The following GIPC1 variants were observed in gnomAD, a reference collection of about 807,000 sequenced individuals.
The protein encoded by GIPC1 is PDZ domain-containing protein GIPC1.
A neutral mutation model predicts 28.5 loss-of-function variants in GIPC1; 15 were observed. The observed-to-expected ratio is 0.53, with a 90% CI of 0.35 to 0.81. The LOEUF is 0.81. Among genes scored for constraint, GIPC1 ranks in the 30% least tolerant of loss-of-function variants. The pLI is 0.01. For synonymous variants in GIPC1, 224 were observed against 206.1 expected (o/e 1.09, Z -0.74); for missense variants, 439 against 481.9 (o/e 0.91, Z 0.83).
At chr19:14,489,267 A>C in intron 3 of GIPC1, 2 of 668,908 alleles carry the variant, frequency 3.0e-6, no homozygotes, top group Non-Finnish European at 5.5e-6. Context: ...CTCATGCTCG[A>C]ACAATCGATT....
In GIPC1 at chr19:14,478,114, A is replaced by G; in HGVS notation, c.*302T>C. The stretch of plus-strand genomic sequence containing the variant: ...ACCAGTTTGGCAGCTGATGGTGGAA[A>G]GTGGTGGAGGCGGGGGTGGCCGCCC... On this transcript the variant is annotated 3_prime_UTR_variant, in exon 9 of 9. Coordinates refer to ENST00000393033, the MANE Select transcript of GIPC1 (RefSeq NM_005716.4). This position sits in a 1 kb window ranked among gnomAD's most constrained non-coding sequence, Gnocchi z 5.2. 3 of 353,512 alleles carry G rather than the reference A, an allele frequency of 8.5e-6. No homozygotes were observed. The highest frequency in any genetic ancestry group is 8.2e-4 in the Middle Eastern group (1 of 1,226). 21.9% of individuals were successfully genotyped at this position (353,512 alleles called of 1,614,324 possible).
chr19:14,492,450 G>A (rs2071993893), intron 2 of GIPC1, among the ~76,000 whole-genome samples: 1 of 152,050 alleles, frequency 6.6e-6, no homozygotes, highest in East Asian at 1.9e-4. Flanking sequence ...GGGACTACAG[G>A]TGCCCGCCAC....
chr19:14,481,324 G>T (rs1452100643), intron 4 of GIPC1, among the ~76,000 whole-genome samples: 1 of 152,050 alleles, frequency 6.6e-6, no homozygotes, highest in Non-Finnish European at 1.5e-5. Context: ...GCCCAGGCTG[G>T]CCTGGAACTC....
At chr19:14,490,986 A>AAG (rs1362218200) in intron 3 of GIPC1, among the ~76,000 whole-genome samples, 1 of 149,958 alleles carries the variant, frequency 6.7e-6, no homozygotes, top group African/African-American at 2.4e-5. Flanking sequence ...AAAAAAAAAA[A>AAG]AAAGAAAGAA....
chr19:14,489,549 GA>G, intron 3 of GIPC1: 2 of 966,158 alleles, frequency 2.1e-6, no homozygotes, highest in Non-Finnish European at 3.4e-6. Context: ...GTGGACAACA[GA>G]AAAATATTGG....
rs1258482749 is a variant in GIPC1, at chr19:14,478,400, G to A, written c.*16C>T. On this transcript the variant is annotated 3_prime_UTR_variant, in exon 9 of 9. Transcript: ENST00000393033. This position sits in a 1 kb window ranked among gnomAD's most constrained non-coding sequence, Gnocchi z 5.2. ...AGGTTGCGCCCGGGTCATCATCGCA[G>A]GGTCCGGGGGCAGTCCTAGTAGCGG... 5 of 1,592,520 alleles carry A rather than the reference G, an allele frequency of 3.1e-6. No individual in the cohort carries two copies. Among genetic ancestry groups the A allele is most frequent in the Non-Finnish European group, 4.3e-6 (5 of 1,168,528 alleles).
chr19:14,496,041 T>TCCGTCGCCGCCGCCG lies in GIPC1; in HGVS notation c.-180_-179insCGGCGGCGGCGACGG, dbSNP rs878926715. On this transcript the variant is annotated 5_prime_UTR_variant, in exon 1 of 9. Transcript: ENST00000393033. The stretch of plus-strand genomic sequence containing the variant: ...CTTCTCGCAGAGGCCACTCACCTGC[T>TCCGTCGCCGCCGCCG]CCGCCGCCGCCGCCGCCGCCGCCGC... The TCCGTCGCCGCCGCCG allele has an allele frequency of 4.5e-6, 1 of 221,694 alleles. No homozygotes were observed. The highest frequency in any genetic ancestry group is 2.5e-5 in the African/African-American group (1 of 40,090). The allele number at this position is 221,694 out of a possible 1,614,324, so 13.7% of individuals were successfully genotyped here. A position where few individuals can be genotyped will look rare whatever the true frequency, so the allele number is the denominator to read the frequency against.
intron 3 of GIPC1, among the ~76,000 whole-genome samples, chr19:14,490,986 A>AAAAAG (rs1555722741): frequency 2.0e-5 from 3 of 149,958 alleles, no homozygotes; most frequent in South Asian, 2.1e-4. Flanking sequence ...AAAAAAAAAA[A>AAAAAG]AAAGAAAGAA....
rs370703286 is a variant in GIPC1, at chr19:14,478,638, C to A, written c.850+46G>T. The A allele has an allele frequency of 6.9e-5, 111 of 1,611,404 alleles. No homozygotes were observed. In the African/African-American group the frequency reaches 1.3e-3, roughly 20 times the overall value. ...CCAAGGGGCTCAGGGTGGATTCGGC[C>A]CCCAGCAGACCTAGATGCCCCCTCC... On this transcript the variant is annotated intron_variant, in intron 8 of 8. Coordinates refer to ENST00000393033, the MANE Select transcript of GIPC1 (RefSeq NM_005716.4). This position sits in a 1 kb window ranked among gnomAD's most constrained non-coding sequence, Gnocchi z 5.2.
Position 14,482,870 on chromosome 19 carries a change from C to T in GIPC1, c.107G>A (p.Gly36Asp). The T allele has an allele frequency of 6.3e-7, 1 of 1,581,944 alleles. No individual in the cohort carries two copies. The highest frequency in any genetic ancestry group is 8.6e-7 in the Non-Finnish European group (1 of 1,164,538). ...GLGVGEPGPL[G>D]GGGSGGPQMG... ...TTGGGGGCCCCCCGACCCACCTCCG[C>T]CCAGAGGCCCTGGCTCCCCCACGCC... is the stretch of plus-strand genomic sequence containing the variant. Residue 36 changes from glycine (G) to aspartate (D), a missense_variant, in exon 4 of 9, where the codon GGC becomes GAC. By Grantham distance (94) the Gly-to-Asp change is moderately conservative (BLOSUM62 -1). Transcript: ENST00000393033.
rs1174503668 is a variant in GIPC1, at chr19:14,485,696, TATATATAGAGAGAGAG to T, written c.-30-2706_-30-2691del. ...AAATAAATAAACAAATATATATATA[TATATATAGAGAGAGAG>T]AGAGAGAGAGAGAGAGAGAGAGAGA... On this transcript the variant is annotated intron_variant, in intron 3 of 8. Coordinates refer to ENST00000393033, the MANE Select transcript of GIPC1 (RefSeq NM_005716.4). 1.2e-3 allele frequency among the ~76,000 whole-genome samples: 87 copies of T among 73,858 alleles called. 1 individual carries two copies. The highest frequency in any genetic ancestry group is 6.3e-3 in the Middle Eastern group (1 of 160). The allele number at this position is 73,858 out of a possible 152,430, so 48.5% of individuals were successfully genotyped here.
At chr19:14,488,933 A>T (rs951622411) in intron 3 of GIPC1, among the ~76,000 whole-genome samples, 3 of 145,538 alleles carry the variant, frequency 2.1e-5, no homozygotes, top group African/African-American at 7.6e-5. Context: ...TGTTTTCCTG[A>T]TTTTTTTTTT....
chr19:14,480,295 G>C lies in GIPC1; in HGVS notation c.655+10C>G, dbSNP rs761537589. ...GCGCCACTGGGGAGGTCCAGGGGGC[G>C]GCTCCTCACCGAAGGCCTTGCGAGG... On this transcript the variant is annotated intron_variant, in intron 6 of 8. Transcript: ENST00000393033. 6.2e-7 allele frequency: 1 copy of C among 1,607,206 alleles called. No individual in the cohort carries two copies. Among genetic ancestry groups the C allele is most frequent in the South Asian group, 1.1e-5 (1 of 90,950 alleles).
At chr19:14,482,654 T>A (rs1181454795) in intron 4 of GIPC1, 35 bp downstream of exon 4, 21 of 1,601,888 alleles carry the variant, frequency 1.3e-5, no homozygotes, top group Non-Finnish European at 1.8e-5. Context: ...TGGTCCACCA[T>A]CAGGGACCCT....
chr19:14,486,712 C>CTTTTTTTTTTTTT (rs35491814), intron 3 of GIPC1, among the ~76,000 whole-genome samples: 3 of 124,756 alleles, frequency 2.4e-5, no homozygotes, highest in Admixed American at 9.1e-5. Flanking sequence ...TTCTTTCTTT[C>CTTTTTTTTTTTTT]TTTTTTTTTT....
chr19:14,491,066 T>C (rs1187727478), intron 3 of GIPC1, among the ~76,000 whole-genome samples: 1 of 151,802 alleles, frequency 6.6e-6, no homozygotes, highest in East Asian at 1.9e-4. Flanking sequence ...TCCCAACACT[T>C]TGGGAGGCCG....
intron 3 of GIPC1, among the ~76,000 whole-genome samples, chr19:14,484,792 G>A (rs1230187667): frequency 6.6e-6 from 1 of 151,776 alleles, no homozygotes; most frequent in Non-Finnish European, 1.5e-5. Context: ...AGAGATGAGG[G>A]GTCTCAATAT....
intron 3 of GIPC1, among the ~76,000 whole-genome samples, chr19:14,486,464 AT>A (rs2071845853): frequency 6.6e-6 from 1 of 152,128 alleles, no homozygotes; most frequent in African/African-American, 2.4e-5. Context: ...GGGCTGAGGC[AT>A]TTAAGTGCTG....
At chr19:14,489,408 T>C (rs1473080424) in intron 3 of GIPC1, 4 of 801,280 alleles carry the variant, frequency 5.0e-6, no homozygotes, top group Non-Finnish European at 9.1e-6. Context: ...CTCACCCTCC[T>C]GAGTTGAAAA....
Sources: gnomAD v4.1 joint callset for allele counts (sites outside exome capture counted in the v4.1 genomes callset) on GRCh38, gnomAD v4.1.1 for gene constraint, Gnocchi (gnomAD v3.1) non-coding constraint, MANE v1.5 for transcripts, NCBI Gene and HGNC (gene_info 2026-07-23, HGNC 2026-07-21) for gene names.